TMEM63A: variants seen among roughly 807,000 people sequenced by gnomAD.
TMEM63A encodes transmembrane protein 63A.
Under a neutral mutation model 100.6 loss-of-function variants are expected in TMEM63A, and 76 were observed. That is an observed-to-expected ratio of 0.76 (90% CI 0.63 to 0.91). The LOEUF (loss-of-function observed/expected upper bound fraction) is 0.91, where lower values mean the gene tolerates loss of function less well. Among genes scored for constraint, TMEM63A ranks in the 40% least tolerant of loss-of-function variants. TMEM63A has a pLI of 0.00. For synonymous variants in TMEM63A, 401 were observed against 401.1 expected (o/e 1.00, Z 0.00); for missense variants, 876 against 1,008.8 (o/e 0.87, Z 1.78).
chr1:225,852,596 C>CTGGT, intron 20 of TMEM63A, 68 bp downstream of exon 20: 12 of 1,496,018 alleles, frequency 8.0e-6, no homozygotes, highest in Non-Finnish European at 1.1e-5. Flanking sequence ...TAGCTGTCCC[C>CTGGT]GAGAGGTTTG....
At chr1:225,869,035 G>A (rs540870098) in intron 6 of TMEM63A, among the ~76,000 whole-genome samples, 106 of 152,342 alleles carry the variant, frequency 7.0e-4, no homozygotes, top group African/African-American at 2.2e-3. Context: ...CAGTGCTTTG[G>A]GAAGAGCTCA....
rs536247900 is a variant in TMEM63A at position 225,870,018 on chromosome 1, G to A, written c.371+1058C>T. 4.8e-3 allele frequency among the ~76,000 whole-genome samples: 734 copies of A among 152,132 alleles called. 3 individuals carry two copies. Among genetic ancestry groups the A allele is most frequent in the Non-Finnish European group, 7.3e-3 (494 of 68,004 alleles). Reference sequence around the variant, plus strand: ...TATCGTTATAGTTGATGGTAGCTTAGCTGACAACATTTTCTTGTTCTTAGT... The same window carrying A: ...TATCGTTATAGTTGATGGTAGCTTAACTGACAACATTTTCTTGTTCTTAGT... On this transcript the variant is annotated intron_variant, in intron 6 of 24. Coordinates refer to ENST00000366835, the MANE Select transcript of TMEM63A (RefSeq NM_014698.3).
At position 225,867,228 on chromosome 1, in the gene TMEM63A, T is replaced by C; in HGVS notation, c.515-65A>G. On this transcript the variant is annotated intron_variant, in intron 7 of 24. Transcript: ENST00000366835. This position sits in a 1 kb window ranked among gnomAD's most constrained non-coding sequence, Gnocchi z 4.6. ...GGGAAGCAGGAGGGGGCGTAACCAATCAGCCTTGGTTTGTGGAGCTCTGGG... is the reference window on the plus strand; with the variant it reads ...GGGAAGCAGGAGGGGGCGTAACCAACCAGCCTTGGTTTGTGGAGCTCTGGG... 6.5e-7 allele frequency: 1 copy of C among 1,544,260 alleles called. No individual in the cohort carries two copies. The highest frequency in any genetic ancestry group is 2.2e-5 in the East Asian group (1 of 44,546).
In TMEM63A at chr1:225,856,632, C is replaced by T; in HGVS notation, c.1571+20G>A. 3 of 1,612,068 alleles carry T rather than the reference C, an allele frequency of 1.9e-6. No homozygotes were observed. Among genetic ancestry groups the T allele is most frequent in the Non-Finnish European group, 2.5e-6 (3 of 1,178,760 alleles). ...TGTGACTCTTATTCTGAATTTAGAGCAGAAGGTGGTGGCATATACCTGGTG... is the reference window on the plus strand; with the variant it reads ...TGTGACTCTTATTCTGAATTTAGAGTAGAAGGTGGTGGCATATACCTGGTG... On this transcript the variant is annotated intron_variant, in intron 17 of 24. Transcript: ENST00000366835.
At chr1:225,870,960 G>C (rs1256310367) in intron 6 of TMEM63A, 116 bp downstream of exon 6, 29 of 1,091,722 alleles carry the variant, frequency 2.7e-5, no homozygotes, top group Non-Finnish European at 3.7e-5. Context: ...TAACTAAAAA[G>C]TATCTAAGAG....
chr1:225,868,094 G>A (rs996447267), intron 6 of TMEM63A, 64 bp from the exon 7 acceptor site: 2 of 1,588,486 alleles, frequency 1.3e-6, no homozygotes, highest in African/African-American at 1.3e-5. Context: ...TGCATGAAGT[G>A]TCTCATATCA....
In TMEM63A at chr1:225,848,506, G is replaced by A. The variant is rs750256409; in HGVS notation, c.2236C>T (p.Pro746Ser). 8 of 1,614,016 alleles carry A rather than the reference G, an allele frequency of 5.0e-6. No homozygotes were observed. The South Asian group carries it at 6.6e-5, about 13-fold the overall frequency. Residue 746 changes from proline to serine, a missense_variant, in exon 23 of 25, where the codon CCC becomes TCC. Pro to Ser is a moderately conservative substitution (Grantham distance 74). Coordinates refer to ENST00000366835, the MANE Select transcript of TMEM63A (RefSeq NM_014698.3). ...DKGSEAEAHM[P>S]PPFTPYVPRI... ...GCACAGCTTACTGTGAACGGTGGGG[G>A]CATGTGGGCCTCTGCCTCACTTCCT...
intron 6 of TMEM63A, among the ~76,000 whole-genome samples, chr1:225,868,725 G>GCCCAGGC (rs1444336435): frequency 2.6e-5 from 4 of 151,478 alleles, no homozygotes; most frequent in African/African-American, 9.7e-5. Flanking sequence ...TTGGGAATAT[G>GCCCAGGC]CCCAGGCCCC....
chr1:225,872,592 T>A (rs1670563669), intron 4 of TMEM63A, among the ~76,000 whole-genome samples: 1 of 152,140 alleles, frequency 6.6e-6, no homozygotes, highest in African/African-American at 2.4e-5. Context: ...TATTGTGGCA[T>A]TTTAATCAGA....
rs1049520566 is a variant in TMEM63A at position 225,874,310 on chromosome 1, C to T, written c.244G>A (p.Ala82Thr). The T allele has an allele frequency of 1.2e-6, 2 of 1,613,966 alleles. No homozygotes were observed. Among genetic ancestry groups the T allele is most frequent in the African/African-American group, 2.7e-5 (2 of 74,900 alleles). The stretch of plus-strand genomic sequence containing the variant: ...TACCTGTCTGCTTCTGACACCAGGG[C>T]AATGCGGCCATAGTCCCAGAATCTT... The part of the protein sequence containing the change: ...RRRFWDYGRI[A>T]LVSEADSESR... The change falls in exon 4 of 25, where the codon GCC becomes ACC. Residue 82 changes from alanine (A) to threonine (T), a missense_variant. Physicochemically the swap from Ala to Thr is moderately conservative, Grantham distance 58 (BLOSUM62 0). This residue lies in a region of TMEM63A where 487 missense variants were observed against 581.9 expected (regional missense o/e 0.84). Coordinates refer to ENST00000366835, the MANE Select transcript of TMEM63A (RefSeq NM_014698.3).
Position 225,867,980 on chromosome 1 carries a change from G to A in TMEM63A, c.422C>T (p.Ser141Phe), listed in dbSNP as rs777379225. ...CAGGAAGATGATGTGCCTCTGGAAGGACAGGTAGTGGATGGCGTCCTCCCC... is the reference window on the plus strand; with the variant it reads ...CAGGAAGATGATGTGCCTCTGGAAGAACAGGTAGTGGATGGCGTCCTCCCC... ...WCGEDAIHYL[S>F]FQRHIIFLLV... Residue 141 changes from serine to phenylalanine, a missense_variant, in exon 7 of 25, where the codon TCC becomes TTC. Ser to Phe is a radical substitution (Grantham distance 155, BLOSUM62 -2). This residue lies in a region of TMEM63A where 487 missense variants were observed against 581.9 expected (regional missense o/e 0.84). Transcript: ENST00000366835. This position sits in a 1 kb window ranked among gnomAD's most constrained non-coding sequence, Gnocchi z 4.6. The A allele has an allele frequency of 6.2e-7, 1 of 1,614,064 alleles. No individual in the cohort carries two copies. The highest frequency in any genetic ancestry group is 8.5e-7 in the Non-Finnish European group (1 of 1,180,044).
intron 3 of TMEM63A, among the ~76,000 whole-genome samples, chr1:225,876,800 AC>A (rs1302197145): frequency 6.6e-6 from 1 of 152,004 alleles, no homozygotes; most frequent in African/African-American, 2.4e-5. Flanking sequence ...GGCGCCGACC[AC>A]CACACCCGGC....
At chr1:225,847,326 T>C (rs1669065033) in intron 23 of TMEM63A, 113 bp from the exon 24 acceptor site, 7 of 1,332,714 alleles carry the variant, frequency 5.3e-6, no homozygotes, top group South Asian at 1.5e-5. Context: ...AAAGGACATA[T>C]GAAGAAACAC....
intron 18 of TMEM63A, among the ~76,000 whole-genome samples, chr1:225,854,043 T>C (rs1203098565): frequency 6.6e-6 from 1 of 152,168 alleles, no homozygotes; most frequent in Non-Finnish European, 1.5e-5. Context: ...AAACAAATAT[T>C]CCATCTGCTG....
In TMEM63A at chr1:225,862,926, G is replaced by C. The variant is rs1670018932; in HGVS notation, c.747-75C>G. ...ACCCCAAGCAGGAGACGTGCCCACG[G>C]ATCCAAGGGAAAGGATGGCAGAGTG... On this transcript the variant is annotated intron_variant, in intron 10 of 24. Transcript: ENST00000366835. This position sits in a 1 kb window ranked among gnomAD's most constrained non-coding sequence, Gnocchi z 5.1. 2 of 1,374,882 alleles carry C rather than the reference G, an allele frequency of 1.5e-6. No homozygotes were observed. The highest frequency in any genetic ancestry group is 2.9e-5 in the African/African-American group (2 of 69,562). The allele number at this position is 1,374,882 out of a possible 1,614,324, so 85.2% of individuals were successfully genotyped here.
At chr1:225,872,904 G>T (rs1417023449) in intron 4 of TMEM63A, among the ~76,000 whole-genome samples, 3 of 151,908 alleles carry the variant, frequency 2.0e-5, no homozygotes, top group African/African-American at 7.3e-5. Flanking sequence ...ATCTTGGCCA[G>T]GCTGGTCTTG....
intron 15 of TMEM63A, among the ~76,000 whole-genome samples, chr1:225,858,634 T>G (rs1455458972): frequency 6.6e-6 from 1 of 152,040 alleles, no homozygotes; most frequent in Non-Finnish European, 1.5e-5. Flanking sequence ...CCCAAAATAG[T>G]TTTATAACAA....
downstream of TMEM63A, chr1:225,842,315 C>A: frequency 7.4e-7 from 1 of 1,358,400 alleles, no homozygotes; most frequent in Non-Finnish European, 1.1e-6. Flanking sequence ...GAAGCTCCAG[C>A]TCTCTGGTCC....
chr1:225,855,321 A>G (rs568620241), intron 18 of TMEM63A, among the ~76,000 whole-genome samples: 2 of 152,326 alleles, frequency 1.3e-5, no homozygotes, highest in South Asian at 2.1e-4. Context: ...GAATAATAGT[A>G]TCTTCCTCAT....
Sources: allele counts gnomAD v4.1 joint callset (sites outside exome capture counted in the v4.1 genomes callset), GRCh38; gene constraint gnomAD v4.1.1; regional missense constraint gnomAD v4.1.1; non-coding constraint Gnocchi (gnomAD v3.1); transcripts MANE v1.5; gene names NCBI Gene and HGNC (gene_info 2026-07-23, HGNC 2026-07-21).